Variants in DTHD1 observed in about 807,000 individuals in gnomAD.
DTHD1 encodes the protein death domain-containing protein 1.
In DTHD1, 59 loss-of-function variants were observed where a neutral mutation model predicts 74.8. That is an observed-to-expected ratio of 0.79 (90% CI 0.64 to 0.98). DTHD1 has a LOEUF of 0.98. Ranked by LOEUF, DTHD1 falls within the 50% of genes least tolerant of loss-of-function variation. The pLI is 0.00. For synonymous variants in DTHD1, 365 were observed against 371.1 expected, an observed-to-expected ratio of 0.98 and a Z score of 0.19; for missense variants, 1,051 against 1,065.4, an observed-to-expected ratio of 0.99 and a Z score of 0.19.
intron 9 of DTHD1, among the ~76,000 whole-genome samples, chr4:36,341,151 C>T (rs573889360): frequency 1.3e-5 from 2 of 152,124 alleles, no homozygotes; most frequent in East Asian, 3.9e-4. Context: ...AACTTGAGCC[C>T]TCAAGTTTAC....
intron 2 of DTHD1, among the ~76,000 whole-genome samples, chr4:36,285,600 T>C (rs1318131036): frequency 1.3e-5 from 2 of 151,820 alleles, no homozygotes; most frequent in African/African-American, 4.8e-5. Flanking sequence ...AATAAGATAT[T>C]CACAGACCAT....
At chr4:36,298,975 GACA>G (rs1756602079) in intron 5 of DTHD1, among the ~76,000 whole-genome samples, 1 of 152,026 alleles carries the variant, frequency 6.6e-6, no homozygotes, top group Admixed American at 6.6e-5. Flanking sequence ...TAATGAAATG[GACA>G]ACTAGTAAAG....
At chr4:36,298,627 T>C (rs1756582191) in intron 5 of DTHD1, among the ~76,000 whole-genome samples, 2 of 152,162 alleles carry the variant, frequency 1.3e-5, no homozygotes, top group Non-Finnish European at 2.9e-5. Flanking sequence ...ATAAAAACTA[T>C]TTGAGGCCAA....
chr4:36,327,394 G>T (rs1025243617), intron 8 of DTHD1, among the ~76,000 whole-genome samples: 2 of 152,154 alleles, frequency 1.3e-5, no homozygotes, highest in African/African-American at 4.8e-5. Flanking sequence ...ATCTAAAAGT[G>T]GAACAATAAA....
chr4:36,308,157 T>G, intron 6 of DTHD1, 47 bp from the exon 7 acceptor site: 1 of 1,519,076 alleles, frequency 6.6e-7, no homozygotes, highest in Non-Finnish European at 8.9e-7. Context: ...AGTGATGTTC[T>G]TGACACTGCA....
At chr4:36,338,967 A>C in intron 8 of DTHD1, 145 bp from the exon 9 acceptor site, 2 of 581,494 alleles carry the variant, frequency 3.4e-6, no homozygotes, top group Non-Finnish European at 5.9e-6. Flanking sequence ...CTGAGCATGC[A>C]TGCACAAATA....
chr4:36,331,000 G>A (rs1287864193), intron 8 of DTHD1, among the ~76,000 whole-genome samples: 1 of 151,688 alleles, frequency 6.6e-6, no homozygotes, highest in African/African-American at 2.4e-5. Flanking sequence ...AAAACTTGAG[G>A]TCATACATCA....
rs77539527 is a variant in DTHD1 at position 36,290,411 on chromosome 4, T to G, written c.926T>G (p.Val309Gly). The change falls in exon 3 of 10, where the codon GTG (valine) becomes GGG (glycine). Residue 309 changes from valine (V) to glycine (G), a missense_variant. By Grantham distance (109) the Val-to-Gly change is moderately radical (BLOSUM62 -3). Coordinates refer to ENST00000639862, the MANE Select transcript of DTHD1 (RefSeq NM_001170700.3). ...DVLSDVTGPQ[V>G]SCYITAPSYV... ...CTGAGTGATGTTACTGGCCCCCAAG[T>G]GTCTTGTTATATTACAGCACCATCA... The G allele has an allele frequency of 3.5e-4, 539 of 1,551,676 alleles. 5 individuals carry two copies. In the East Asian group the frequency reaches 0.011, roughly 31 times the overall value.
At chr4:36,317,454 C>G (rs1757797394) in intron 8 of DTHD1, among the ~76,000 whole-genome samples, 3 of 152,024 alleles carry the variant, frequency 2.0e-5, no homozygotes, top group African/African-American at 7.2e-5. Context: ...TTCAAAGACT[C>G]AGTACAAATA....
chr4:36,323,583 A>G (rs1157573508), intron 8 of DTHD1, among the ~76,000 whole-genome samples: 1 of 148,678 alleles, frequency 6.7e-6, no homozygotes, highest in Non-Finnish European at 1.5e-5. Flanking sequence ...TAGGTATTTT[A>G]AAAAGCAGAT....
chr4:36,337,215 G>A (rs1241412418), intron 8 of DTHD1, among the ~76,000 whole-genome samples: 3 of 152,046 alleles, frequency 2.0e-5, no homozygotes, highest in Admixed American at 2.0e-4. Flanking sequence ...GGGAAAAGAA[G>A]GCAACGTAGA....
rs1417186983 is a variant in DTHD1, at chr4:36,293,510, T to A, written c.1219-16T>A. 1.3e-6 allele frequency: 2 copies of A among 1,493,774 alleles called. No individual in the cohort carries two copies. The highest frequency in any genetic ancestry group is 1.3e-5 in the South Asian group (1 of 76,200). The allele number at this position is 1,493,774 out of a possible 1,614,324, so 92.5% of individuals were successfully genotyped here. A position where few individuals can be genotyped will look rare whatever the true frequency, so the allele number is the denominator to read the frequency against. ...TCAGTGCTATAGCTTATTTTAATGTTCTTTATTCTATACAGGGGACCTGTG... is the reference window on the plus strand; with the variant it reads ...TCAGTGCTATAGCTTATTTTAATGTACTTTATTCTATACAGGGGACCTGTG... On this transcript the variant is annotated splice_polypyrimidine_tract_variant and intron_variant, in intron 3 of 9. Transcript: ENST00000639862.
intron 5 of DTHD1, among the ~76,000 whole-genome samples, chr4:36,301,497 CAGAGA>C (rs201264953): frequency 6.6e-6 from 1 of 152,004 alleles, no homozygotes; most frequent in African/African-American, 2.4e-5. Flanking sequence ...AGGAAAGATG[CAGAGA>C]AGAGAAGTAA....
chr4:36,282,916 A>T (rs756283727), intron 1 of DTHD1, among the ~76,000 whole-genome samples: 2 of 152,190 alleles, frequency 1.3e-5, no homozygotes, highest in Non-Finnish European at 2.9e-5. Flanking sequence ...GCAATATAAC[A>T]AGCAAATATA....
At position 36,281,663 on chromosome 4, in the gene DTHD1, C is replaced by T; in HGVS notation, c.-96C>T. 8.1e-7 allele frequency: 1 copy of T among 1,234,706 alleles called. No homozygotes were observed. Among genetic ancestry groups the T allele is most frequent in the African/African-American group, 1.5e-5 (1 of 64,614 alleles). The allele number at this position is 1,234,706 out of a possible 1,614,324, so 76.5% of individuals were successfully genotyped here. A position where few individuals can be genotyped will look rare whatever the true frequency, so the allele number is the denominator to read the frequency against. Reference sequence around the variant, plus strand: ...CTGGGCTAGCTGACTCGGATCATCTCCTAGAGTTTAGGAGAAATAACAATC... The same window carrying T: ...CTGGGCTAGCTGACTCGGATCATCTTCTAGAGTTTAGGAGAAATAACAATC... On this transcript the variant is annotated 5_prime_UTR_variant, in exon 1 of 10. Transcript: ENST00000639862.
rs1052126859 is a variant in DTHD1 at position 36,344,597 on chromosome 4, G to C, written c.*773G>C. 3.9e-5 allele frequency: 6 copies of C among 152,202 alleles called. No individual in the cohort carries two copies. Among genetic ancestry groups the C allele is most frequent in the Non-Finnish European group, 7.3e-5 (5 of 68,042 alleles). 9.4% of individuals were successfully genotyped at this position (152,202 alleles called of 1,614,324 possible). A position where few individuals can be genotyped will look rare whatever the true frequency, so the allele number is the denominator to read the frequency against. ...AGCCTCCAGGTAGCAGACTTTAGAG[G>C]GAATAGATTGTAAATATTTCTGATC... is the stretch of plus-strand genomic sequence containing the variant. On this transcript the variant is annotated 3_prime_UTR_variant, in exon 10 of 10. Transcript: ENST00000639862.
intron 2 of DTHD1, 98 bp from the exon 3 acceptor site, chr4:36,290,275 C>A: frequency 7.9e-7 from 1 of 1,258,764 alleles, no homozygotes; most frequent in Non-Finnish European, 1.1e-6. Context: ...GAATTCACAC[C>A]AAGACAATGT....
chr4:36,313,047 C>A (rs995400198), intron 7 of DTHD1, among the ~76,000 whole-genome samples: 3 of 152,162 alleles, frequency 2.0e-5, no homozygotes, highest in Non-Finnish European at 2.9e-5. Flanking sequence ...CAGGGTTTTT[C>A]TGGTTTCCCG....
Position 36,343,590 on chromosome 4 carries a change from C to A in DTHD1, c.2487C>A (p.Arg829=). ...CTCTTTCCTCAACTCTCCCTCTGCGCCGTAGCACCATTCAGCTCATCAAAC... is the reference window on the plus strand; with the variant it reads ...CTCTTTCCTCAACTCTCCCTCTGCGACGTAGCACCATTCAGCTCATCAAAC... ...AESLSSTLPL[R]RSTIQLIKLK... is the part of the protein sequence containing the mutation. Residue 829 remains arginine, a synonymous_variant, in exon 10 of 10, where the codon CGC becomes CGA. Transcript: ENST00000639862. The A allele has an allele frequency of 6.4e-7, 1 of 1,551,770 alleles. No homozygotes were observed. The highest frequency in any genetic ancestry group is 1.2e-5 in the South Asian group (1 of 84,056).
Sources: gnomAD v4.1 joint callset for allele counts (sites outside exome capture counted in the v4.1 genomes callset) on GRCh38, gnomAD v4.1.1 for gene constraint, MANE v1.5 for transcripts, NCBI Gene and HGNC (gene_info 2026-07-23, HGNC 2026-07-21) for gene names.